Variants in NCKAP5 observed in about 807,000 individuals in gnomAD.
NCKAP5 encodes NCK associated protein 5, also known as nck-associated protein 5.
A neutral mutation model predicts 167.0 loss-of-function variants in NCKAP5; 92 were observed. The observed-to-expected ratio is 0.55, with a 90% CI of 0.47 to 0.66. The LOEUF is 0.66. Ranked by LOEUF, NCKAP5 falls within the 30% of genes least tolerant of loss-of-function variation. The probability of loss-of-function intolerance (pLI) is 0.00; values close to 1 mark genes in which losing one functional copy is unlikely to be tolerated. For synonymous variants in NCKAP5, 891 were observed against 877.4 expected, an observed-to-expected ratio of 1.02 and a Z score of -0.27; for missense variants, 2,378 against 2,315.0, an observed-to-expected ratio of 1.03 and a Z score of -0.56.
chr2:133,036,242 A>G (rs2079037272), intron 6 of NCKAP5, among the ~76,000 whole-genome samples: 1 of 152,028 alleles, frequency 6.6e-6, no homozygotes, highest in Non-Finnish European at 1.5e-5. Context: ...TCTACCAAAT[A>G]TTTAGTGAAG....
intron 3 of NCKAP5, among the ~76,000 whole-genome samples, chr2:133,308,079 A>ATTTTTT (rs60111877): frequency 2.2e-5 from 2 of 89,396 alleles, no homozygotes; most frequent in Non-Finnish European, 4.4e-5. Flanking sequence ...TTATTGTTCT[A>ATTTTTT]TTTTTTTTTT....
At chr2:132,831,357 G>C (rs778019415) in intron 11 of NCKAP5, among the ~76,000 whole-genome samples, 1 of 152,156 alleles carries the variant, frequency 6.6e-6, no homozygotes, top group Admixed American at 6.6e-5. Flanking sequence ...TTAAATTTTT[G>C]TTATAAAGAG....
chr2:132,813,655 G>A (rs1686051682), intron 11 of NCKAP5, among the ~76,000 whole-genome samples: 1 of 152,146 alleles, frequency 6.6e-6, no homozygotes, highest in South Asian at 2.1e-4. Context: ...TGGTCAGCAA[G>A]AAACCATACG....
chr2:133,230,127 C>T (rs1028345660), intron 4 of NCKAP5, among the ~76,000 whole-genome samples: 3 of 152,160 alleles, frequency 2.0e-5, no homozygotes, highest in Admixed American at 6.5e-5. Context: ...CAGACAAGAT[C>T]TGCCATGTTC....
the NCKAP5 span, among the ~76,000 whole-genome samples, chr2:133,583,042 A>G: frequency 6.6e-6 from 1 of 152,170 alleles, no homozygotes; most frequent in Admixed American, 6.5e-5. Context: ...CCTTTCTGGG[A>G]AGCAATTAGG....
chr2:132,912,656 C>T (rs893538376), intron 8 of NCKAP5, among the ~76,000 whole-genome samples: 3 of 152,168 alleles, frequency 2.0e-5, no homozygotes, highest in African/African-American at 4.8e-5. Flanking sequence ...ACAATTAAGG[C>T]GACTCCCTCA....
At chr2:132,870,745 G>A (rs1025243205) in intron 9 of NCKAP5, among the ~76,000 whole-genome samples, 3 of 131,314 alleles carry the variant, frequency 2.3e-5, no homozygotes, top group African/African-American at 8.8e-5. Flanking sequence ...ACAGATTATA[G>A]TAAGAATGTT....
At chr2:132,977,829 ACTGAAGACAT>A (rs151027671) in intron 7 of NCKAP5, among the ~76,000 whole-genome samples, 16,170 of 152,178 alleles carry the variant, frequency 0.11, 1,273 homozygotes, top group East Asian at 0.46. Flanking sequence ...GAGGATTTGT[ACTGAAGACAT>A]TTTTGCTAGT....
intron 5 of NCKAP5, among the ~76,000 whole-genome samples, chr2:133,173,960 T>C (rs1051542133): frequency 2.6e-5 from 4 of 151,074 alleles, no homozygotes; most frequent in Admixed American, 6.6e-5. Context: ...GGAGAGAAGG[T>C]AGAAAAATAC....
intron 3 of NCKAP5, among the ~76,000 whole-genome samples, chr2:133,347,561 T>A (rs1684062908): frequency 1.3e-5 from 2 of 150,102 alleles, no homozygotes; most frequent in African/African-American, 2.4e-5. Flanking sequence ...CTCAAAAAAA[T>A]AAAATAAATT....
At chr2:133,246,065 A>G (rs2087973612) in intron 4 of NCKAP5, among the ~76,000 whole-genome samples, 1 of 152,120 alleles carries the variant, frequency 6.6e-6, no homozygotes, top group African/African-American at 2.4e-5. Flanking sequence ...GAAGAGACGA[A>G]TGTGACCGTG....
chr2:132,785,297 T>C lies in NCKAP5; in HGVS notation c.1514A>G (p.His505Arg). The C allele has an allele frequency of 6.2e-7, 1 of 1,604,944 alleles. No individual in the cohort carries two copies. Among genetic ancestry groups the C allele is most frequent in the Non-Finnish European group, 8.5e-7 (1 of 1,174,574 alleles). Residue 505 changes from histidine (H) to arginine (R), a missense_variant, in exon 14 of 20, where the codon CAC becomes CGC. Around this residue, in one of 3 missense-constraint regions of NCKAP5, gnomAD observed 1,049 missense variants for 1,023.4 expected, o/e 1.02. Transcript: ENST00000409261. ...GCCAAACAGACTGTCGGAAACACTG[T>C]GGGTTAATTTACTGCCATGTGGCCT... ...SCRPHGSKLT[H>R]SVSDSLFGWE...
At chr2:133,164,192 C>A (rs2083911318) in intron 5 of NCKAP5, among the ~76,000 whole-genome samples, 1 of 152,174 alleles carries the variant, frequency 6.6e-6, no homozygotes, top group African/African-American at 2.4e-5. Context: ...ATGCCTTCAA[C>A]AATCTGTGGT....
intron 3 of NCKAP5, among the ~76,000 whole-genome samples, chr2:133,369,404 C>A (rs556953173): frequency 2.3e-4 from 35 of 152,178 alleles, no homozygotes; most frequent in Non-Finnish European, 4.9e-4. Context: ...GATGACCTGA[C>A]AGAGATAGAT....
At chr2:133,614,625 G>T in the NCKAP5 span, among the ~76,000 whole-genome samples, 1 of 152,130 alleles carries the variant, frequency 6.6e-6, no homozygotes, top group Non-Finnish European at 1.5e-5. Flanking sequence ...AACGAACAAA[G>T]CCTCCAAGAA....
At chr2:132,928,482 A>G (rs1029467804) in intron 8 of NCKAP5, among the ~76,000 whole-genome samples, 3 of 152,196 alleles carry the variant, frequency 2.0e-5, no homozygotes, top group Non-Finnish European at 4.4e-5. Context: ...AGAAAGATAA[A>G]TAATAGCTAT....
chr2:133,203,995 C>T (rs1005307834), intron 5 of NCKAP5, among the ~76,000 whole-genome samples: 6 of 152,192 alleles, frequency 3.9e-5, no homozygotes, highest in African/African-American at 1.4e-4. Flanking sequence ...TAACCTTTTG[C>T]TCAACAGAAG....
At chr2:133,659,250 T>C in the NCKAP5 span, among the ~76,000 whole-genome samples, 1 of 152,094 alleles carries the variant, frequency 6.6e-6, no homozygotes, top group Non-Finnish European at 1.5e-5. Context: ...ATAATGGTCT[T>C]TTCAACAAAT....
intron 6 of NCKAP5, chr2:133,123,482 G>T: frequency 5.2e-6 from 1 of 193,248 alleles, no homozygotes. Flanking sequence ...ATTTATCCTT[G>T]AACCAATGTT....
Sources: allele counts gnomAD v4.1 joint callset (sites outside exome capture counted in the v4.1 genomes callset), GRCh38; gene constraint gnomAD v4.1.1; regional missense constraint gnomAD v4.1.1; transcripts MANE v1.5; gene names NCBI Gene and HGNC (gene_info 2026-07-23, HGNC 2026-07-21).